TCERG1L: variants seen among roughly 807,000 people sequenced by gnomAD.
The protein encoded by TCERG1L is transcription elongation regulator 1-like protein.
A neutral mutation model predicts 56.3 loss-of-function variants in TCERG1L; 37 were observed. The observed-to-expected ratio is 0.66, with a 90% CI of 0.51 to 0.87. The LOEUF (loss-of-function observed/expected upper bound fraction) is 0.87, where lower values mean the gene tolerates loss of function less well. TCERG1L is among the 40% of genes least tolerant of loss of function. The pLI is 0.00. For missense variants in TCERG1L, 799 were observed against 774.2 expected (o/e 1.03, Z -0.38); for synonymous variants, 324 against 326.3 (o/e 0.99, Z 0.08).
rs190887463 is a variant in TCERG1L at position 131,213,959 on chromosome 10, C to T, written c.856+46300G>A. ...CCCACAGTCCCGGCAGTTCCAGTGG[C>T]TGTGGAAGTCAGTCAGTTTAACTCA... On this transcript the variant is annotated intron_variant, in intron 4 of 11. Transcript: ENST00000368642. 5.6e-4 allele frequency among the ~76,000 whole-genome samples: 86 copies of T among 152,318 alleles called. No homozygotes were observed. In the East Asian group the frequency reaches 0.011, roughly 19 times the overall value.
At chr10:131,193,469 T>C (rs566330432) in intron 4 of TCERG1L, among the ~76,000 whole-genome samples, 1 of 152,238 alleles carries the variant, frequency 6.6e-6, no homozygotes, top group Non-Finnish European at 1.5e-5. Context: ...AGTATTTTTA[T>C]AGTTTCATGT....
intron 9 of TCERG1L, among the ~76,000 whole-genome samples, chr10:131,114,576 C>G (rs944817777): frequency 1.3e-5 from 2 of 152,020 alleles, no homozygotes; most frequent in Non-Finnish European, 2.9e-5. Flanking sequence ...AAAGTTGAAA[C>G]GAACCACCCA....
At chr10:131,250,065 C>A (rs76675187) in intron 4 of TCERG1L, among the ~76,000 whole-genome samples, 2,673 of 152,274 alleles carry the variant, frequency 0.018, 86 homozygotes, top group African/African-American at 0.061. Context: ...CACGGGGCAC[C>A]AAGGAGGTAT....
intron 3 of TCERG1L, among the ~76,000 whole-genome samples, chr10:131,286,502 T>C (rs1363951341): frequency 6.6e-6 from 1 of 152,200 alleles, no homozygotes; most frequent in East Asian, 1.9e-4. Context: ...GAGTGACTTT[T>C]TTCCCTTCCT....
At chr10:131,201,608 T>C (rs555869536) in intron 4 of TCERG1L, among the ~76,000 whole-genome samples, 1 of 152,302 alleles carries the variant, frequency 6.6e-6, no homozygotes, top group African/African-American at 2.4e-5. Context: ...TAAAAAAATA[T>C]ATAAAAATAA....
At chr10:131,099,362 G>A (rs1207805155) in intron 10 of TCERG1L, among the ~76,000 whole-genome samples, 2 of 152,202 alleles carry the variant, frequency 1.3e-5, no homozygotes, top group East Asian at 1.9e-4. Context: ...TATAGACTAC[G>A]GAGTCAAAGA....
At chr10:131,181,251 G>A (rs4751340) in intron 4 of TCERG1L, among the ~76,000 whole-genome samples, 21,957 of 152,234 alleles carry the variant, frequency 0.14, 1,977 homozygotes, top group Middle Eastern at 0.25. Context: ...CTCAGCTAAG[G>A]CCCACCTCTC....
intron 4 of TCERG1L, among the ~76,000 whole-genome samples, chr10:131,206,836 G>A (rs77249650): frequency 8.7e-4 from 133 of 152,246 alleles, no homozygotes; most frequent in African/African-American, 3.2e-3. Context: ...GGTGGGGTGC[G>A]TCCAGGGAAA....
intron 9 of TCERG1L, 132 bp downstream of exon 9, chr10:131,116,667 C>A (rs1845462016): frequency 7.9e-7 from 1 of 1,270,362 alleles, no homozygotes; most frequent in African/African-American, 1.5e-5. Flanking sequence ...CACATCATCT[C>A]TCAGGCCAGG....
chr10:131,160,998 G>A (rs754188517), intron 6 of TCERG1L: 1 of 152,178 alleles, frequency 6.6e-6, no homozygotes, highest in Non-Finnish European at 1.5e-5. Flanking sequence ...CGTGATATGC[G>A]GCAGTGTGCC....
rs955212679 is a variant in TCERG1L, at chr10:131,202,425, T to C, written c.857-35540A>G. Among the ~76,000 whole-genome samples, 3 of 151,886 alleles carry C rather than the reference T, an allele frequency of 2.0e-5. No homozygotes were observed. In the South Asian group the frequency reaches 6.2e-4, roughly 32 times the overall value. The stretch of plus-strand genomic sequence containing the variant: ...GGTGAAACCCCATTACCACTAAAAA[T>C]ACAAAAATGAGCCAGGCGTGGTGGC... On this transcript the variant is annotated intron_variant, in intron 4 of 11. Coordinates refer to ENST00000368642, the MANE Select transcript of TCERG1L (RefSeq NM_174937.4).
intron 9 of TCERG1L, among the ~76,000 whole-genome samples, chr10:131,115,144 T>C (rs1339074052): frequency 1.3e-5 from 2 of 152,208 alleles, no homozygotes; most frequent in Non-Finnish European, 2.9e-5. Flanking sequence ...CATGTGCCGA[T>C]ATAGGCAAGT....
At chr10:131,245,485 A>C (rs1013050035) in intron 4 of TCERG1L, among the ~76,000 whole-genome samples, 22 of 152,124 alleles carry the variant, frequency 1.4e-4, no homozygotes, top group Non-Finnish European at 2.5e-4. Flanking sequence ...TCCCTTGAAG[A>C]GGGCTTCCCT....
chr10:131,203,957 A>G (rs1035147177), intron 4 of TCERG1L, among the ~76,000 whole-genome samples: 2 of 152,218 alleles, frequency 1.3e-5, no homozygotes, highest in African/African-American at 4.8e-5. Flanking sequence ...ACAAAACCCC[A>G]AAGTAGGAAG....
intron 1 of TCERG1L, among the ~76,000 whole-genome samples, chr10:131,310,070 T>C (rs112415707): frequency 0.039 from 5,903 of 152,290 alleles, 199 homozygotes; most frequent in Middle Eastern, 0.071. Context: ...TACATGAAAA[T>C]GTTCTTCTGG....
In TCERG1L at chr10:131,194,077, C is replaced by T. The variant is rs529678834; in HGVS notation, c.857-27192G>A. Among the ~76,000 whole-genome samples, 144 of 152,160 alleles carry T rather than the reference C, an allele frequency of 9.5e-4. 1 individual carries two copies. Among genetic ancestry groups the T allele is most frequent in the African/African-American group, 3.3e-3 (138 of 41,502 alleles). ...CACACCTCCAACCCCCAGCGGCGTG[C>T]CTAGGCTTCCGGCACTCCGGCCACA... is the stretch of plus-strand genomic sequence containing the variant. On this transcript the variant is annotated intron_variant, in intron 4 of 11. Transcript: ENST00000368642.
In TCERG1L at chr10:131,236,805, C is replaced by T. The variant is rs1845917960; in HGVS notation, c.856+23454G>A. ...TAGGTAAGAGCAGAGAGACATGAGTCCCTAGAAGTGGGTGAAGATCCAGCC... is the reference window on the plus strand; with the variant it reads ...TAGGTAAGAGCAGAGAGACATGAGTTCCTAGAAGTGGGTGAAGATCCAGCC... On this transcript the variant is annotated intron_variant, in intron 4 of 11. Coordinates refer to ENST00000368642, the MANE Select transcript of TCERG1L (RefSeq NM_174937.4). Among the ~76,000 whole-genome samples the T allele has an allele frequency of 2.0e-5, 3 of 152,128 alleles. No homozygotes were observed. The South Asian group carries it at 6.2e-4, about 32-fold the overall frequency.
chr10:131,172,674 C>G (rs1237955743), intron 4 of TCERG1L, among the ~76,000 whole-genome samples: 1 of 152,222 alleles, frequency 6.6e-6, no homozygotes, highest in Non-Finnish European at 1.5e-5. Flanking sequence ...GACATGCACG[C>G]CTGTCCAGTC....
At position 131,304,909 on chromosome 10, in the gene TCERG1L, T is replaced by C. The variant is rs1032925753; in HGVS notation, c.670+3302A>G. Among the ~76,000 whole-genome samples the C allele has an allele frequency of 4.6e-5, 7 of 152,024 alleles. 1 individual carries two copies. The highest frequency in any genetic ancestry group is 1.3e-4 in the Admixed American group (2 of 15,278). On this transcript the variant is annotated intron_variant, in intron 3 of 11. Transcript: ENST00000368642. ...CCCCACAGGTCTCATGTGATGGGAC[T>C]TGTTTGAAGAGGCCCCAGAGCCCAT...
Sources: allele counts gnomAD v4.1 joint callset (sites outside exome capture counted in the v4.1 genomes callset), GRCh38; gene constraint gnomAD v4.1.1; transcripts MANE v1.5; gene names NCBI Gene and HGNC (gene_info 2026-07-23, HGNC 2026-07-21).